The following FER variants were observed in gnomAD, a reference collection of about 807,000 sequenced individuals.
The protein encoded by FER is FER tyrosine kinase, also known as tyrosine-protein kinase Fer.
Under a neutral mutation model 111.0 loss-of-function variants are expected in FER, and 63 were observed. The observed-to-expected ratio is 0.57, with a 90% CI of 0.46 to 0.70. The LOEUF (loss-of-function observed/expected upper bound fraction) is 0.70. Ranked by LOEUF, FER falls within the 30% of genes least tolerant of loss-of-function variation. FER has a pLI of 0.00. For missense variants in FER, 914 were observed against 954.0 expected, an observed-to-expected ratio of 0.96 and a Z score of 0.55; for synonymous variants, 327 against 313.9, an observed-to-expected ratio of 1.04 and a Z score of -0.44.
chr5:108,792,225 C>A (rs984303607), intron 2 of FER, among the ~76,000 whole-genome samples: 1 of 152,006 alleles, frequency 6.6e-6, no homozygotes, highest in South Asian at 2.1e-4. Flanking sequence ...AAAAGCTAGC[C>A]GAGATATTAA....
At chr5:109,149,288 G>C (rs1256585881) in intron 17 of FER, among the ~76,000 whole-genome samples, 1 of 152,112 alleles carries the variant, frequency 6.6e-6, no homozygotes, top group Non-Finnish European at 1.5e-5. Context: ...ACAAGACTAA[G>C]AGTAGTTCAC....
chr5:109,085,953 A>T (rs866016194), intron 16 of FER, among the ~76,000 whole-genome samples: 1 of 151,760 alleles, frequency 6.6e-6, no homozygotes, highest in Non-Finnish European at 1.5e-5. Context: ...AATGATATAT[A>T]TTGTGCTTAT....
At chr5:108,836,450 G>T (rs749558465) in intron 5 of FER, among the ~76,000 whole-genome samples, 1 of 151,942 alleles carries the variant, frequency 6.6e-6, no homozygotes, top group Non-Finnish European at 1.5e-5. Context: ...CTATAATTGG[G>T]CAATATTTTC....
At chr5:108,833,264 T>C (rs1461625935) in intron 4 of FER, among the ~76,000 whole-genome samples, 1 of 152,174 alleles carries the variant, frequency 6.6e-6, no homozygotes, top group Non-Finnish European at 1.5e-5. Context: ...TATCTAATAC[T>C]TTGCATAAAT....
At chr5:108,825,594 G>A (rs1358656030) in intron 3 of FER, among the ~76,000 whole-genome samples, 1 of 152,072 alleles carries the variant, frequency 6.6e-6, no homozygotes, top group African/African-American at 2.4e-5. Context: ...ACAGGGTCCT[G>A]GAAGGATATA....
chr5:108,866,256 TA>T (rs1217678011), intron 5 of FER, among the ~76,000 whole-genome samples: 1 of 151,978 alleles, frequency 6.6e-6, no homozygotes, highest in African/African-American at 2.4e-5. Context: ...TATGCAGCCA[TA>T]AAAAAGGATG....
intron 13 of FER, among the ~76,000 whole-genome samples, chr5:109,033,298 C>G (rs1769903666): frequency 6.6e-6 from 1 of 152,038 alleles, no homozygotes; most frequent in Admixed American, 6.6e-5. Flanking sequence ...AGATAGAGAC[C>G]AGAAATATGT....
chr5:109,045,510 C>T (rs150283526), intron 15 of FER, among the ~76,000 whole-genome samples: 1 of 152,146 alleles, frequency 6.6e-6, no homozygotes, highest in East Asian at 1.9e-4. Context: ...GACAGACAGG[C>T]ATTTGAGGTA....
intron 13 of FER, among the ~76,000 whole-genome samples, chr5:108,975,363 C>A (rs1441763455): frequency 6.6e-6 from 1 of 152,040 alleles, no homozygotes; most frequent in African/African-American, 2.4e-5. Context: ...CACATGTATA[C>A]CTATGTAACA....
At chr5:109,117,815 T>C (rs962855291) in intron 17 of FER, among the ~76,000 whole-genome samples, 8 of 151,718 alleles carry the variant, frequency 5.3e-5, no homozygotes, top group Admixed American at 2.0e-4. Flanking sequence ...TGTTTGTCTG[T>C]TATTGGTGTA....
intron 16 of FER, among the ~76,000 whole-genome samples, chr5:109,063,201 A>C (rs1196915765): frequency 6.6e-6 from 1 of 152,210 alleles, no homozygotes; most frequent in Non-Finnish European, 1.5e-5. Context: ...TGTAATTTCT[A>C]TAGTACATTT....
intron 16 of FER, among the ~76,000 whole-genome samples, chr5:109,055,386 T>A (rs1407843388): frequency 2.0e-5 from 3 of 152,142 alleles, no homozygotes; most frequent in Admixed American, 2.0e-4. Flanking sequence ...AGCCTACAGA[T>A]TGTGAAAACT....
chr5:109,112,924 A>G (rs1378630837), intron 17 of FER, among the ~76,000 whole-genome samples: 2 of 152,166 alleles, frequency 1.3e-5, no homozygotes, highest in African/African-American at 4.8e-5. Flanking sequence ...TATCAAATAT[A>G]CAGCCTCTTC....
intron 10 of FER, among the ~76,000 whole-genome samples, chr5:108,898,364 T>C (rs1048465618): frequency 6.6e-6 from 1 of 152,142 alleles, no homozygotes; most frequent in African/African-American, 2.4e-5. Context: ...ATTTCATAGT[T>C]TTATTAACTG....
chr5:108,898,966 A>G (rs746480806), intron 10 of FER, among the ~76,000 whole-genome samples: 1 of 151,618 alleles, frequency 6.6e-6, no homozygotes, highest in African/African-American at 2.4e-5. Context: ...CATCCTTGGC[A>G]TTTCCTGTGG....
At chr5:108,851,064 T>C (rs1762498942) in intron 5 of FER, among the ~76,000 whole-genome samples, 1 of 152,242 alleles carries the variant, frequency 6.6e-6, no homozygotes, top group African/African-American at 2.4e-5. Flanking sequence ...TATGAGTTTA[T>C]TTATTCCCAG....
chr5:108,932,041 A>G (rs1182374365), intron 10 of FER, among the ~76,000 whole-genome samples: 4 of 150,990 alleles, frequency 2.6e-5, no homozygotes, highest in African/African-American at 9.8e-5. Flanking sequence ...TTTTTATTAT[A>G]CTTTAAGTTC....
intron 13 of FER, among the ~76,000 whole-genome samples, chr5:109,003,294 A>T (rs914992149): frequency 5.3e-5 from 8 of 150,474 alleles, no homozygotes; most frequent in Non-Finnish European, 8.9e-5. Context: ...GCTATAAAAA[A>T]TGATGAGTTC....
intron 13 of FER, among the ~76,000 whole-genome samples, chr5:108,961,533 A>G (rs1187651157): frequency 3.3e-5 from 5 of 152,260 alleles, no homozygotes; most frequent in East Asian, 3.9e-4. Context: ...ATAAATATAT[A>G]CTGGATGCTG....
Sources: allele counts gnomAD v4.1 joint callset (sites outside exome capture counted in the v4.1 genomes callset), GRCh38; gene constraint gnomAD v4.1.1; transcripts MANE v1.5; gene names NCBI Gene and HGNC (gene_info 2026-07-23, HGNC 2026-07-21).